The following USH2A variants were observed in gnomAD, a reference collection of about 807,000 sequenced individuals.
USH2A encodes the protein Usher syndrome 2A (autosomal recessive, mild).
USH2A carries 443 observed loss-of-function variants against 538.9 expected under a neutral mutation model. That is an observed-to-expected ratio of 0.82 (90% CI 0.76 to 0.89). The LOEUF (loss-of-function observed/expected upper bound fraction) is 0.89. USH2A is among the 40% of genes least tolerant of loss of function. The pLI, the probability that USH2A is intolerant of heterozygous loss-of-function variation, is 0.00. For synonymous variants in USH2A, 2,413 were observed against 2,273.5 expected (o/e 1.06, Z -1.75); for missense variants, 6,633 against 6,324.8 (o/e 1.05, Z -1.65).
chr1:216,337,967 T>G (rs190796202), intron 4 of USH2A, among the ~76,000 whole-genome samples: 3 of 151,408 alleles, frequency 2.0e-5, no homozygotes, highest in East Asian at 3.9e-4. Flanking sequence ...CCTTTTATTA[T>G]AAGTTATGAG....
chr1:215,894,720 A>C (rs1362821027), intron 40 of USH2A, among the ~76,000 whole-genome samples: 1 of 152,042 alleles, frequency 6.6e-6, no homozygotes, highest in Non-Finnish European at 1.5e-5. Context: ...AAAAATGAGA[A>C]TCACTTTTGG....
chr1:216,402,291 C>A (rs2039318874), intron 3 of USH2A, among the ~76,000 whole-genome samples: 1 of 152,018 alleles, frequency 6.6e-6, no homozygotes, highest in African/African-American at 2.4e-5. Flanking sequence ...TGAAACTAAA[C>A]AATACATCTC....
intron 38 of USH2A, among the ~76,000 whole-genome samples, chr1:215,920,109 C>T (rs1666060039): frequency 6.6e-6 from 1 of 151,988 alleles, no homozygotes; most frequent in South Asian, 2.1e-4. Context: ...ATTTCAATTT[C>T]CTCAATGCTA....
At chr1:215,981,272 G>A (rs1667747462) in intron 35 of USH2A, among the ~76,000 whole-genome samples, 1 of 152,002 alleles carries the variant, frequency 6.6e-6, no homozygotes, top group South Asian at 2.1e-4. Context: ...GTTTGTTATA[G>A]ATGTGTAGGC....
At chr1:215,740,597 A>G (rs1375318741) in intron 60 of USH2A, among the ~76,000 whole-genome samples, 1 of 152,192 alleles carries the variant, frequency 6.6e-6, no homozygotes. Flanking sequence ...TCTTTGGAGG[A>G]GGAGAAAAAA....
At chr1:215,860,192 C>T (rs1664279874) in intron 44 of USH2A, among the ~76,000 whole-genome samples, 2 of 152,170 alleles carry the variant, frequency 1.3e-5, no homozygotes, top group African/African-American at 4.8e-5. Context: ...GAATCATGAG[C>T]TAAGCAAAAC....
intron 9 of USH2A, among the ~76,000 whole-genome samples, chr1:216,314,159 C>T (rs2037468578): frequency 6.6e-6 from 1 of 152,134 alleles, no homozygotes; most frequent in Admixed American, 6.6e-5. Context: ...TATACTTTCA[C>T]TATCTCTATT....
chr1:215,784,694 T>C (rs1661743838), intron 52 of USH2A, among the ~76,000 whole-genome samples: 1 of 152,230 alleles, frequency 6.6e-6, no homozygotes, highest in South Asian at 2.1e-4. Flanking sequence ...CTCAATGGAA[T>C]TATCATAGCA....
At chr1:215,643,517 G>C (rs553418638) in intron 67 of USH2A, among the ~76,000 whole-genome samples, 2 of 148,212 alleles carry the variant, frequency 1.3e-5, no homozygotes, top group African/African-American at 4.9e-5. Context: ...AACACAAATA[G>C]ATAAAATCCT....
At chr1:215,733,134 A>G (rs1660053955) in intron 60 of USH2A, among the ~76,000 whole-genome samples, 1 of 139,340 alleles carries the variant, frequency 7.2e-6, no homozygotes, top group Non-Finnish European at 1.5e-5. Flanking sequence ...TACAACTATG[A>G]TGGAAGGTGA....
rs770949401 is a variant in USH2A, at chr1:216,190,376, CAAAA to C, written c.4252-13_4252-10del. The C allele has an allele frequency of 1.2e-6, 2 of 1,603,798 alleles. No homozygotes were observed. Among genetic ancestry groups the C allele is most frequent in the Non-Finnish European group, 1.7e-6 (2 of 1,176,662 alleles). On this transcript the variant is annotated splice_polypyrimidine_tract_variant and intron_variant, in intron 19 of 71. Coordinates refer to ENST00000307340, the MANE Select transcript of USH2A (RefSeq NM_206933.4). ...TTAGCAGTGTGCAACAGCTTCAAGG[CAAAA>C]AAGAAAGAAAGAAAGAAAGAAAGAT...
intron 38 of USH2A, 48 bp from the exon 39 acceptor site, chr1:215,900,953 A>T (rs759250964): frequency 6.2e-7 from 1 of 1,611,106 alleles, no homozygotes; most frequent in South Asian, 1.1e-5. Context: ...TGTGGAGAAC[A>T]TATGCTGGAT....
At chr1:216,229,048 C>A (rs770992395) in intron 14 of USH2A, among the ~76,000 whole-genome samples, 1 of 151,920 alleles carries the variant, frequency 6.6e-6, no homozygotes, top group South Asian at 2.1e-4. Flanking sequence ...GTGGCATGCA[C>A]CTGTAATCCC....
intron 47 of USH2A, among the ~76,000 whole-genome samples, chr1:215,830,019 C>T (rs917137592): frequency 2.0e-5 from 3 of 152,078 alleles, no homozygotes; most frequent in Admixed American, 1.3e-4. Context: ...AAAGTAACTA[C>T]CTGAGGACTC....
chr1:216,038,041 T>C (rs2030076978), intron 32 of USH2A, among the ~76,000 whole-genome samples: 1 of 152,070 alleles, frequency 6.6e-6, no homozygotes. Context: ...GTGTATGATG[T>C]TGGTTGTTAA....
At chr1:215,764,030 G>A (rs78944496) in intron 56 of USH2A, among the ~76,000 whole-genome samples, 43 of 152,066 alleles carry the variant, frequency 2.8e-4, no homozygotes, top group Non-Finnish European at 4.4e-5. Flanking sequence ...TGGAGTGGAA[G>A]AATTAAGTGG....
chr1:216,111,224 C>G (rs1311939030), intron 21 of USH2A, among the ~76,000 whole-genome samples: 2 of 152,076 alleles, frequency 1.3e-5, no homozygotes, highest in African/African-American at 4.8e-5. Context: ...GAGTGAGACT[C>G]CATCTCAAAA....
Position 216,190,387 on chromosome 1 carries a change from G to C in USH2A, c.4252-20C>G, listed in dbSNP as rs1314824835. 6.2e-7 allele frequency: 1 copy of C among 1,604,538 alleles called. No homozygotes were observed. Among genetic ancestry groups the C allele is most frequent in the African/African-American group, 1.4e-5 (1 of 73,898 alleles). On this transcript the variant is annotated intron_variant, in intron 19 of 71. Transcript: ENST00000307340. ...CAACAGCTTCAAGGCAAAAAAGAAA[G>C]AAAGAAAGAAAGAAAGATAATAGGT...
chr1:215,679,051 G>A (rs1307871649), intron 62 of USH2A, among the ~76,000 whole-genome samples: 1 of 152,174 alleles, frequency 6.6e-6, no homozygotes, highest in African/African-American at 2.4e-5. Context: ...TGCCCCAGGG[G>A]GGAGAAGTCT....
Sources: gnomAD v4.1 joint callset for allele counts (sites outside exome capture counted in the v4.1 genomes callset) on GRCh38, gnomAD v4.1.1 for gene constraint, MANE v1.5 for transcripts, NCBI Gene and HGNC (gene_info 2026-07-23, HGNC 2026-07-21) for gene names.